CLCA1: variants seen among roughly 807,000 people sequenced by gnomAD.
CLCA1 encodes chloride channel accessory 1.
A neutral mutation model predicts 85.6 loss-of-function variants in CLCA1; 59 were observed. That is an observed-to-expected ratio of 0.69 (90% CI 0.56 to 0.86). The LOEUF (loss-of-function observed/expected upper bound fraction) is 0.86, where lower values mean the gene tolerates loss of function less well. Among genes scored for constraint, CLCA1 ranks in the 40% least tolerant of loss-of-function variants. The pLI is 0.00. For missense variants in CLCA1, 1,022 were observed against 1,101.4 expected (o/e 0.93, Z 1.02); for synonymous variants, 396 against 398.3 (o/e 0.99, Z 0.07).
chr1:86,478,730 A>G (rs1027817955), intron 4 of CLCA1, among the ~76,000 whole-genome samples: 3 of 152,232 alleles, frequency 2.0e-5, no homozygotes, highest in African/African-American at 7.2e-5. Context: ...AAATGAGTAC[A>G]TATACAACAC....
At chr1:86,495,835 T>C (rs1648269013) in intron 12 of CLCA1, among the ~76,000 whole-genome samples, 160 bp downstream of exon 12, 2 of 152,202 alleles carry the variant, frequency 1.3e-5, no homozygotes, top group African/African-American at 4.8e-5. Flanking sequence ...TGTGGAGGGC[T>C]ATCCTGCACA....
intron 7 of CLCA1, 140 bp from the exon 8 acceptor site, chr1:86,488,856 A>T: frequency 1.5e-6 from 1 of 649,078 alleles, no homozygotes; most frequent in Non-Finnish European, 2.7e-6. Flanking sequence ...TCATTTCAAG[A>T]CAGACAGATA....
chr1:86,482,732 G>A (rs1647852563), intron 5 of CLCA1, among the ~76,000 whole-genome samples: 1 of 152,166 alleles, frequency 6.6e-6, no homozygotes, highest in Admixed American at 6.5e-5. Flanking sequence ...ATAAAGACAT[G>A]ATCAGTAGGC....
Position 86,473,459 on chromosome 1 carries a change from G to A in CLCA1, c.205G>A (p.Gly69Arg). Residue 69 changes from glycine to arginine, a missense_variant, in exon 2 of 14, where the codon GGA becomes AGA. Coordinates refer to ENST00000394711, the MANE Select transcript of CLCA1 (RefSeq NM_001285.4). ...ATCTCTGTATCTGCTTGAAGCTACA[G>A]GAAAGCGATTTTATTTCAAAAATGT... ...QASLYLLEATGKRFYFKNVAI... is the reference protein window; with the variant it reads ...QASLYLLEATRKRFYFKNVAI... 1 of 1,609,978 alleles carries A rather than the reference G, an allele frequency of 6.2e-7. No homozygotes were observed. Among genetic ancestry groups the A allele is most frequent in the Non-Finnish European group, 8.5e-7 (1 of 1,176,596 alleles).
rs1648351492 is a variant in CLCA1, at chr1:86,498,190, GGAAGGAAGGA to G, written c.2114-381_2114-372del. On this transcript the variant is annotated intron_variant, in intron 12 of 13. Coordinates refer to ENST00000394711, the MANE Select transcript of CLCA1 (RefSeq NM_001285.4). ...AGGAAGGAAGGAAGGAAGGAAGGAT[GGAAGGAAGGA>G]AGGAAGGAAAAAACAGATGTAGTAT... Among the ~76,000 whole-genome samples, 6 of 76,918 alleles carry G rather than the reference GGAAGGAAGGA, an allele frequency of 7.8e-5. No individual in the cohort carries two copies. In the South Asian group the frequency reaches 1.2e-3, roughly 15 times the overall value. 50.5% of individuals were successfully genotyped at this position (76,918 alleles called of 152,430 possible).
At position 86,493,598 on chromosome 1, in the gene CLCA1, A is replaced by T. The variant is rs772007756; in HGVS notation, c.1679A>T (p.Lys560Met). The change falls in exon 10 of 14, where the codon AAG becomes ATG. Residue 560 changes from lysine (K) to methionine (M), a missense_variant and splice_region_variant. By Grantham distance (95) the Lys-to-Met change is moderately conservative (BLOSUM62 -1). Transcript: ENST00000394711. ...TACCTCCAAATCCCAGGCATTGCTA[A>T]GGTATGGAGTCAGCTTTTTTTCTTT... ...MAYLQIPGIA[K>M]VGTWKYSLQA... The T allele has an allele frequency of 6.2e-7, 1 of 1,607,738 alleles. No individual in the cohort carries two copies. Among genetic ancestry groups the T allele is most frequent in the Admixed American group, 1.7e-5 (1 of 59,926 alleles).
At chr1:86,495,038 TA>T (rs35628188) in intron 11 of CLCA1, among the ~76,000 whole-genome samples, 337 of 136,784 alleles carry the variant, frequency 2.5e-3, no homozygotes, top group Middle Eastern at 4.0e-3. Flanking sequence ...TTCTACAGTT[TA>T]AAAAAAAAAA....
At position 86,482,144 on chromosome 1, in the gene CLCA1, T is replaced by C. The variant is rs1174051543; in HGVS notation, c.558-61T>C. 3 of 1,295,106 alleles carry C rather than the reference T, an allele frequency of 2.3e-6. No homozygotes were observed. In the African/African-American group the frequency reaches 4.4e-5, roughly 19 times the overall value. 80.2% of individuals were successfully genotyped at this position (1,295,106 alleles called of 1,614,324 possible). ...AAGGCAATCTGTCAGAAACTGAGCA[T>C]AGACTCTGACCCTTTGAAATGACGA... On this transcript the variant is annotated intron_variant, in intron 4 of 13. Coordinates refer to ENST00000394711, the MANE Select transcript of CLCA1 (RefSeq NM_001285.4).
chr1:86,472,374 C>T (rs991792613), intron 1 of CLCA1, among the ~76,000 whole-genome samples: 5 of 152,194 alleles, frequency 3.3e-5, no homozygotes, highest in African/African-American at 1.2e-4. Context: ...CACAGCTCCT[C>T]ATTTCCTCTG....
chr1:86,469,526 C>T (rs1245387063), intron 1 of CLCA1, among the ~76,000 whole-genome samples: 1 of 152,164 alleles, frequency 6.6e-6, no homozygotes, highest in Non-Finnish European at 1.5e-5. Context: ...TTTTATTCTC[C>T]TAATAGGAAC....
At chr1:86,491,955 C>A (rs1648144110) in intron 9 of CLCA1, among the ~76,000 whole-genome samples, 1 of 87,204 alleles carries the variant, frequency 1.1e-5, no homozygotes, top group African/African-American at 3.9e-5. Flanking sequence ...CAGAAAACTT[C>A]CAATGGCCCA....
chr1:86,497,516 A>G (rs913723204), intron 12 of CLCA1, among the ~76,000 whole-genome samples: 2 of 152,212 alleles, frequency 1.3e-5, no homozygotes, highest in Non-Finnish European at 2.9e-5. Flanking sequence ...TATTTTTTAA[A>G]TTCCAGGATT....
intron 1 of CLCA1, among the ~76,000 whole-genome samples, chr1:86,471,803 A>T (rs1290689590): frequency 1.3e-5 from 2 of 152,158 alleles, no homozygotes; most frequent in Non-Finnish European, 2.9e-5. Flanking sequence ...GAAAGGGAGA[A>T]ATTGAGGCTC....
In CLCA1 at chr1:86,500,056, T is replaced by C; in HGVS notation, c.*11T>C. On this transcript the variant is annotated 3_prime_UTR_variant, in exon 14 of 14. Coordinates refer to ENST00000394711, the MANE Select transcript of CLCA1 (RefSeq NM_001285.4). ...CTGTCAATAGCCTAGGGCTGAATTT[T>C]TGTCAGATAAATAAAATAAATCATT... The C allele has an allele frequency of 6.5e-7, 1 of 1,543,462 alleles. No homozygotes were observed. The highest frequency in any genetic ancestry group is 1.4e-5 in the African/African-American group (1 of 72,162).
chr1:86,492,718 G>A (rs990526700), intron 9 of CLCA1, among the ~76,000 whole-genome samples: 1 of 152,124 alleles, frequency 6.6e-6, no homozygotes. Context: ...TTCCAAACAA[G>A]CTGGCCTTGG....
chr1:86,475,686 AGGAAG>A (rs1647620361), intron 3 of CLCA1, among the ~76,000 whole-genome samples: 1 of 152,236 alleles, frequency 6.6e-6, no homozygotes, highest in East Asian at 1.9e-4. Context: ...AAAGATGGGA[AGGAAG>A]TATTCCAAGC....
chr1:86,473,778 A>G lies in CLCA1; in HGVS notation c.353A>G (p.Tyr118Cys), dbSNP rs140897904. The change falls in exon 3 of 14, where the codon TAC becomes TGC. Residue 118 changes from tyrosine (Y) to cysteine (C), a missense_variant. Coordinates refer to ENST00000394711, the MANE Select transcript of CLCA1 (RefSeq NM_001285.4). ...ACTCCTCCAGGTAATGATGAACCCT[A>G]CACTGAGCAGATGGGCAACTGTGGA... Reference protein sequence around the residue: ...ESTPPGNDEPYTEQMGNCGEK... With the variant: ...ESTPPGNDEPCTEQMGNCGEK... 1,381 of 1,613,044 alleles carry G rather than the reference A, an allele frequency of 8.6e-4. 3 individuals carry two copies. The highest frequency in any genetic ancestry group is 8.2e-4 in the Middle Eastern group (5 of 6,062).
At chr1:86,493,334 T>G in intron 9 of CLCA1, 50 bp from the exon 10 acceptor site, 1 of 1,428,608 alleles carries the variant, frequency 7.0e-7, no homozygotes, top group Non-Finnish European at 9.8e-7. Flanking sequence ...GAAAAGATCA[T>G]GTGATGGGAG....
At chr1:86,480,571 G>A (rs1257345511) in intron 4 of CLCA1, among the ~76,000 whole-genome samples, 1 of 152,034 alleles carries the variant, frequency 6.6e-6, no homozygotes, top group Non-Finnish European at 1.5e-5. Flanking sequence ...AAGCTGCAGT[G>A]AGCCATGATC....
Sources: allele counts gnomAD v4.1 joint callset (sites outside exome capture counted in the v4.1 genomes callset), GRCh38; gene constraint gnomAD v4.1.1; transcripts MANE v1.5; gene names NCBI Gene and HGNC (gene_info 2026-07-23, HGNC 2026-07-21).